The following LRMDA variants were observed in gnomAD, a reference collection of about 807,000 sequenced individuals.
LRMDA encodes leucine rich melanocyte differentiation associated.
Under a neutral mutation model 29.8 loss-of-function variants are expected in LRMDA, and 18 were observed. The observed-to-expected ratio is 0.60, with a 90% confidence interval of 0.42 to 0.90. The LOEUF is 0.90. LRMDA is among the 40% of genes least tolerant of loss of function. The pLI is 0.00. For synonymous variants in LRMDA, 125 were observed against 109.4 expected, an observed-to-expected ratio of 1.14 and a Z score of -0.89; for missense variants, 273 against 273.9, an observed-to-expected ratio of 1.00 and a Z score of 0.02.
At chr10:76,494,687 G>A (rs1324865967) in intron 6 of LRMDA, among the ~76,000 whole-genome samples, 1 of 151,494 alleles carries the variant, frequency 6.6e-6, no homozygotes, top group African/African-American at 2.4e-5. Flanking sequence ...TTATAAATGT[G>A]GAAATGGAAG....
intron 3 of LRMDA, among the ~76,000 whole-genome samples, chr10:76,041,579 C>T (rs1848339249): frequency 6.6e-6 from 1 of 152,198 alleles, no homozygotes; most frequent in Non-Finnish European, 1.5e-5. Context: ...TGCCCTTTAA[C>T]CCGCAGCTGA....
At chr10:76,382,867 A>T (rs1841609452) in intron 6 of LRMDA, among the ~76,000 whole-genome samples, 1 of 152,160 alleles carries the variant, frequency 6.6e-6, no homozygotes, top group African/African-American at 2.4e-5. Flanking sequence ...ATGTACTTGT[A>T]CCTCACTTTT....
At chr10:76,153,731 A>G (rs747195308) in intron 5 of LRMDA, among the ~76,000 whole-genome samples, 1 of 152,232 alleles carries the variant, frequency 6.6e-6, no homozygotes, top group Non-Finnish European at 1.5e-5. Flanking sequence ...GTGAGAACCA[A>G]TGTCATTCCC....
intron 5 of LRMDA, among the ~76,000 whole-genome samples, chr10:76,230,726 A>G (rs1157331451): frequency 6.6e-6 from 1 of 152,204 alleles, no homozygotes; most frequent in Non-Finnish European, 1.5e-5. Flanking sequence ...AGACTTGTCA[A>G]TTTCAACAAC....
intron 2 of LRMDA, among the ~76,000 whole-genome samples, chr10:75,692,493 A>ATATG (rs1842180507): frequency 1.3e-5 from 2 of 151,160 alleles, no homozygotes; most frequent in Non-Finnish European, 2.9e-5. Context: ...GTATACATAT[A>ATATG]TGTATATATG....
At chr10:75,950,035 CA>C (rs1168591080) in intron 2 of LRMDA, among the ~76,000 whole-genome samples, 1 of 152,304 alleles carries the variant, frequency 6.6e-6, no homozygotes, top group East Asian at 1.9e-4. Flanking sequence ...TTCCCCAAAG[CA>C]GAAAATCTAG....
At chr10:76,062,340 C>G (rs1484690694) in intron 5 of LRMDA, among the ~76,000 whole-genome samples, 1 of 152,148 alleles carries the variant, frequency 6.6e-6, no homozygotes, top group Non-Finnish European at 1.5e-5. Context: ...CCTCCAATCA[C>G]AGCTCTTGCC....
At chr10:75,939,567 G>A (rs1304450342) in intron 2 of LRMDA, among the ~76,000 whole-genome samples, 1 of 152,176 alleles carries the variant, frequency 6.6e-6, no homozygotes, top group Non-Finnish European at 1.5e-5. Context: ...TCTTCCCTGA[G>A]TTCTCACTGG....
intron 2 of LRMDA, among the ~76,000 whole-genome samples, chr10:75,466,691 C>T (rs1442778063): frequency 6.6e-6 from 1 of 152,114 alleles, no homozygotes; most frequent in Non-Finnish European, 1.5e-5. Context: ...CCCTCCTCAG[C>T]ATTTTCCATC....
chr10:76,411,195 C>T (rs994670267), intron 6 of LRMDA, among the ~76,000 whole-genome samples: 1 of 152,186 alleles, frequency 6.6e-6, no homozygotes, highest in Non-Finnish European at 1.5e-5. Context: ...TACAACTTGT[C>T]AGCGTCACTT....
At chr10:75,535,756 G>A (rs186770613) in intron 2 of LRMDA, among the ~76,000 whole-genome samples, 38 of 152,288 alleles carry the variant, frequency 2.5e-4, no homozygotes, top group African/African-American at 9.1e-4. Context: ...AGTTGAAGTG[G>A]ACTCATCTTT....
intron 5 of LRMDA, among the ~76,000 whole-genome samples, chr10:76,213,052 AC>A (rs1226301856): frequency 6.6e-6 from 1 of 152,136 alleles, no homozygotes; most frequent in African/African-American, 2.4e-5. Flanking sequence ...TTTGCATCTC[AC>A]CCCAAAAACG....
chr10:76,445,172 C>T (rs953682303), intron 6 of LRMDA, among the ~76,000 whole-genome samples: 35 of 152,054 alleles, frequency 2.3e-4, no homozygotes, highest in African/African-American at 8.5e-4. Context: ...GATTTGGTAG[C>T]TGATATAGGA....
chr10:75,916,182 GTGTGTGTGTGT>G (rs1564605828), intron 2 of LRMDA, among the ~76,000 whole-genome samples: 31 of 128,048 alleles, frequency 2.4e-4, no homozygotes, highest in African/African-American at 7.9e-4. Context: ...GTGTGTGTGT[GTGTGTGTGTGT>G]GTGGGTGGGT....
At chr10:76,023,287 G>A (rs1589292764) in intron 2 of LRMDA, among the ~76,000 whole-genome samples, 1 of 152,100 alleles carries the variant, frequency 6.6e-6, no homozygotes, top group South Asian at 2.1e-4. Flanking sequence ...AGCGTGTGAC[G>A]CTTTGCCTCT....
At chr10:76,548,624 A>G (rs1323786505) in intron 6 of LRMDA, among the ~76,000 whole-genome samples, 1 of 152,132 alleles carries the variant, frequency 6.6e-6, no homozygotes, top group Non-Finnish European at 1.5e-5. Flanking sequence ...TTGAAATACA[A>G]TGTGTATAGA....
chr10:75,486,830 A>G (rs1844921018), intron 2 of LRMDA, among the ~76,000 whole-genome samples: 1 of 152,210 alleles, frequency 6.6e-6, no homozygotes. Flanking sequence ...CATCCCAGCC[A>G]TCTCATCAGA....
chr10:76,094,362 T>C (rs1278855094), intron 5 of LRMDA, among the ~76,000 whole-genome samples: 1 of 152,232 alleles, frequency 6.6e-6, no homozygotes, highest in Non-Finnish European at 1.5e-5. Context: ...TGTTAGAATT[T>C]TATTTCCGTA....
intron 2 of LRMDA, among the ~76,000 whole-genome samples, chr10:75,618,370 CTCTCTCTCTCTCTA>C (rs1285645484): frequency 1.5e-3 from 122 of 80,126 alleles, no homozygotes; most frequent in South Asian, 3.0e-3. Flanking sequence ...CTCTCTCTCT[CTCTCTCTCTCTCTA>C]TATATATATA....
Sources: allele counts gnomAD v4.1 joint callset (sites outside exome capture counted in the v4.1 genomes callset), GRCh38; gene constraint gnomAD v4.1.1; transcripts MANE v1.5; gene names NCBI Gene and HGNC (gene_info 2026-07-23, HGNC 2026-07-21).